Variants in KIF13A observed in about 807,000 individuals in gnomAD.
KIF13A encodes kinesin family member 13A.
Under a neutral mutation model 212.2 loss-of-function variants are expected in KIF13A, and 79 were observed. That is an observed-to-expected ratio of 0.37 (90% CI 0.31 to 0.45). The LOEUF (loss-of-function observed/expected upper bound fraction) is 0.45, where lower values mean the gene tolerates loss of function less well. KIF13A is among the 20% of genes least tolerant of loss of function. The pLI, the probability that KIF13A is intolerant of heterozygous loss-of-function variation, is 1.00. For synonymous variants in KIF13A, 789 were observed against 808.6 expected, an observed-to-expected ratio of 0.98 and a Z score of 0.41; for missense variants, 1,901 against 2,209.0, an observed-to-expected ratio of 0.86 and a Z score of 2.79.
At position 17,987,422 on chromosome 6, in the gene KIF13A, G is replaced by A; in HGVS notation, c.42C>T (p.Pro14=). 5 of 1,359,450 alleles carry A rather than the reference G, an allele frequency of 3.7e-6. No individual in the cohort carries two copies. The highest frequency in any genetic ancestry group is 4.9e-6 in the Non-Finnish European group (5 of 1,026,192). 84.2% of individuals were successfully genotyped at this position (1,359,450 alleles called of 1,614,324 possible). Residue 14 remains proline (P), a synonymous_variant, in exon 1 of 39, where the codon CCC becomes CCT. Coordinates refer to ENST00000259711, the MANE Select transcript of KIF13A (RefSeq NM_022113.6). This position sits in a 1 kb window ranked among gnomAD's most constrained non-coding sequence, Gnocchi z 7.7. ...TKVKVAVRVR[P]MNRRELELNT... is the part of the protein sequence containing the mutation. ...AAAGCTCCTCACCTCGTCGGTTCAT[G>A]GGCCGGACCCGGACGGCAACTTTTA...
In KIF13A at chr6:17,809,027, C is replaced by T. The variant is rs1275679817; in HGVS notation, c.2001-97G>A. On this transcript the variant is annotated intron_variant, in intron 17 of 38. Transcript: ENST00000259711. This position sits in a 1 kb window ranked among gnomAD's most constrained non-coding sequence, Gnocchi z 4.7. ...TATTAGAAAATGGGAGAAAACTCCTCTCGGGCAGTATTTTTCAAACTATTT... is the reference window on the plus strand; with the variant it reads ...TATTAGAAAATGGGAGAAAACTCCTTTCGGGCAGTATTTTTCAAACTATTT... The T allele has an allele frequency of 8.8e-7, 1 of 1,130,168 alleles. No individual in the cohort carries two copies. Among genetic ancestry groups the T allele is most frequent in the Non-Finnish European group, 1.2e-6 (1 of 820,550 alleles). The allele number at this position is 1,130,168 out of a possible 1,614,324, so 70.0% of individuals were successfully genotyped here.
In KIF13A at chr6:17,980,698, A is replaced by G. The variant is rs140779211; in HGVS notation, c.146+6356T>C. 2.7e-3 allele frequency among the ~76,000 whole-genome samples: 409 copies of G among 152,374 alleles called. 3 individuals are homozygous for G. Among genetic ancestry groups the G allele is most frequent in the African/African-American group, 9.2e-3 (381 of 41,592 alleles). Reference sequence around the variant, plus strand: ...AAAATGAGGGAAAAAAGCAACAATCATTAACGCCAGGCAAAACAAAAAGTT... The same window carrying G: ...AAAATGAGGGAAAAAAGCAACAATCGTTAACGCCAGGCAAAACAAAAAGTT... On this transcript the variant is annotated intron_variant, in intron 2 of 38. Coordinates refer to ENST00000259711, the MANE Select transcript of KIF13A (RefSeq NM_022113.6).
rs781366500 is a variant in KIF13A, at chr6:17,764,660, A to G, written c.4868T>C (p.Leu1623Pro). The stretch of plus-strand genomic sequence containing the variant: ...GTCTGCATCCTTCGTCTGAATGGCC[A>G]GCTGGTCTGAGCTGTCACTAGAAGG... ...VVPSSDSSDQ[L>P]AIQTKDADST... The change falls in exon 39 of 39, where the codon CTG (leucine) becomes CCG (proline). Residue 1623 changes from leucine (L) to proline (P), a missense_variant. Around this residue, in one of 5 missense-constraint regions of KIF13A, gnomAD observed 687 missense variants for 759.1 expected, o/e 0.90. Transcript: ENST00000259711. The surrounding 1 kb of genome is among the most constrained non-coding windows in gnomAD (Gnocchi z 5.1). 6.2e-7 allele frequency: 1 copy of G among 1,613,914 alleles called. No homozygotes were observed. The highest frequency in any genetic ancestry group is 1.1e-5 in the South Asian group (1 of 91,058).
At chr6:17,911,285 T>C (rs1774036826) in intron 2 of KIF13A, among the ~76,000 whole-genome samples, 1 of 152,072 alleles carries the variant, frequency 6.6e-6, no homozygotes, top group Admixed American at 6.6e-5. Flanking sequence ...AAACCCAGAG[T>C]AGTGACCCTC....
chr6:17,962,887 A>T (rs1383406468), intron 2 of KIF13A, among the ~76,000 whole-genome samples: 1 of 152,244 alleles, frequency 6.6e-6, no homozygotes, highest in Admixed American at 6.5e-5. Flanking sequence ...TGCAATGAAT[A>T]GAATCAAACT....
At chr6:17,929,218 CAGAG>C (rs146591383) in intron 2 of KIF13A, among the ~76,000 whole-genome samples, 2 of 151,258 alleles carry the variant, frequency 1.3e-5, no homozygotes, top group Non-Finnish European at 3.0e-5. Flanking sequence ...GTGAGAGAGA[CAGAG>C]AGAGAGAGAC....
intron 32 of KIF13A, among the ~76,000 whole-genome samples, 166 bp from the exon 33 acceptor site, chr6:17,779,265 T>A (rs1172149927): frequency 0.024 from 220 of 9,196 alleles, 1 homozygote; most frequent in South Asian, 0.058. Flanking sequence ...ATATTTTTTT[T>A]TTTTTTTTTT....
In KIF13A at chr6:17,768,406, G is replaced by C. The variant is rs2150287832; in HGVS notation, c.4581+2708C>G. ...AAAAGGGACTGAAATCCACATTAAA[G>C]CAGTGACTCTTTGTAAGGAGTTTCC... is the stretch of plus-strand genomic sequence containing the variant. On this transcript the variant is annotated intron_variant, in intron 38 of 38. Transcript: ENST00000259711. This position sits in a 1 kb window ranked among gnomAD's most constrained non-coding sequence, Gnocchi z 5.4. 6.6e-6 allele frequency among the ~76,000 whole-genome samples: 1 copy of C among 152,342 alleles called. No individual in the cohort carries two copies. The highest frequency in any genetic ancestry group is 3.4e-3 in the Middle Eastern group (1 of 294).
chr6:17,774,998 T>C lies in KIF13A; in HGVS notation c.4218+17A>G. On this transcript the variant is annotated intron_variant, in intron 35 of 38. Coordinates refer to ENST00000259711, the MANE Select transcript of KIF13A (RefSeq NM_022113.6). The stretch of plus-strand genomic sequence containing the variant: ...TAAGATTCTACTAAAAACCTAGCCA[T>C]GCCCATAGGTGCATACCTTGTCATC... 6.2e-7 allele frequency: 1 copy of C among 1,602,698 alleles called. No homozygotes were observed. The highest frequency in any genetic ancestry group is 8.5e-7 in the Non-Finnish European group (1 of 1,173,312).
At position 17,826,111 on chromosome 6, in the gene KIF13A, C is replaced by T. The variant is rs1018752418; in HGVS notation, c.1546G>A (p.Gly516Ser). The T allele has an allele frequency of 2.5e-6, 4 of 1,613,664 alleles. No homozygotes were observed. The highest frequency in any genetic ancestry group is 1.3e-5 in the African/African-American group (1 of 74,904). The change falls in exon 15 of 39, where the codon GGC (glycine) becomes AGC (serine). Residue 516 changes from glycine to serine, a missense_variant. Physicochemically the swap from Gly to Ser is moderately conservative, Grantham distance 56. Transcript: ENST00000259711. The surrounding 1 kb of genome is among the most constrained non-coding windows in gnomAD (Gnocchi z 4.7). ...TGGGTGGTACTGCACACAAGGGTGC[C>T]GTTCACACAGGACCTGGGAGAACAC... is the stretch of plus-strand genomic sequence containing the variant. ...PKENARSCVN[G>S]TLVCSTTQLW...
intron 18 of KIF13A, among the ~76,000 whole-genome samples, chr6:17,807,305 T>A (rs890520980): frequency 1.3e-5 from 2 of 152,162 alleles, no homozygotes; most frequent in African/African-American, 2.4e-5. Flanking sequence ...TATTGCTAAA[T>A]TCTTGTCCTA....
intron 25 of KIF13A, among the ~76,000 whole-genome samples, chr6:17,792,445 C>T (rs1761673785): frequency 6.6e-6 from 1 of 152,080 alleles, no homozygotes; most frequent in Non-Finnish European, 1.5e-5. Flanking sequence ...TTAAATTTTC[C>T]AGCCAAGATA....
chr6:17,815,389 G>A (rs1023192225), intron 17 of KIF13A, among the ~76,000 whole-genome samples: 3 of 151,780 alleles, frequency 2.0e-5, no homozygotes, highest in Admixed American at 1.3e-4. Context: ...TAACTCCCCC[G>A]GGAAAAGGGA....
intron 3 of KIF13A, among the ~76,000 whole-genome samples, chr6:17,890,719 TG>T (rs1197624377): frequency 2.0e-5 from 3 of 150,960 alleles, no homozygotes; most frequent in Admixed American, 6.6e-5. Context: ...CACAGACTCC[TG>T]GGCTCAAGCG....
chr6:17,831,289 A>T (rs1370384017), intron 12 of KIF13A, 54 bp from the exon 13 acceptor site: 2 of 1,577,792 alleles, frequency 1.3e-6, no homozygotes, highest in Non-Finnish European at 1.7e-6. Context: ...TCTATTCACA[A>T]GATGTATCCA....
chr6:17,885,835 T>G (rs555273510), intron 3 of KIF13A, among the ~76,000 whole-genome samples: 4 of 152,338 alleles, frequency 2.6e-5, no homozygotes, highest in Admixed American at 1.3e-4. Context: ...CATTTCATAT[T>G]TAATCCTCTA....
rs1438663006 is a variant in KIF13A, at chr6:17,789,600, T to C, written c.3261+272A>G. Among the ~76,000 whole-genome samples the C allele has an allele frequency of 6.6e-6, 1 of 152,186 alleles. No homozygotes were observed. Among genetic ancestry groups the C allele is most frequent in the Non-Finnish European group, 1.5e-5 (1 of 68,026 alleles). Reference sequence around the variant, plus strand: ...AAATCAGTCTCCAGATCATCCATTTTAATACAGTGATAATGGTCTTGCTTA... The same window carrying C: ...AAATCAGTCTCCAGATCATCCATTTCAATACAGTGATAATGGTCTTGCTTA... On this transcript the variant is annotated intron_variant, in intron 26 of 38. Transcript: ENST00000259711. The surrounding 1 kb of genome is among the most constrained non-coding windows in gnomAD (Gnocchi z 4.8).
intron 18 of KIF13A, among the ~76,000 whole-genome samples, chr6:17,807,136 AT>A (rs1479610564): frequency 3.3e-5 from 5 of 152,200 alleles, no homozygotes; most frequent in Non-Finnish European, 5.9e-5. Flanking sequence ...TGTTTGAACA[AT>A]ATGAAATCAG....
intron 16 of KIF13A, among the ~76,000 whole-genome samples, chr6:17,821,336 A>G (rs1251684823): frequency 6.6e-6 from 1 of 151,990 alleles, no homozygotes; most frequent in African/African-American, 2.4e-5. Context: ...TCTAGAAACT[A>G]AAAAAATACA....
Sources: allele counts gnomAD v4.1 joint callset (sites outside exome capture counted in the v4.1 genomes callset), GRCh38; gene constraint gnomAD v4.1.1; regional missense constraint gnomAD v4.1.1; non-coding constraint Gnocchi (gnomAD v3.1); transcripts MANE v1.5; gene names NCBI Gene and HGNC (gene_info 2026-07-23, HGNC 2026-07-21).